The following SUZ12 variants were observed in gnomAD, a reference collection of about 807,000 sequenced individuals.
SUZ12 encodes the protein SUZ12 polycomb repressive complex 2 subunit.
SUZ12 carries 17 observed loss-of-function variants against 87.3 expected under a neutral mutation model. The ratio of observed to expected loss-of-function variants is 0.19; its 90% CI spans 0.13 to 0.29. The LOEUF (loss-of-function observed/expected upper bound fraction) is 0.29. Among genes scored for constraint, SUZ12 ranks in the 10% least tolerant of loss-of-function variants. The pLI, the probability that SUZ12 is intolerant of heterozygous loss-of-function variation, is 1.00. For synonymous variants in SUZ12, 253 were observed against 312.4 expected, an observed-to-expected ratio of 0.81 and a Z score of 2.01; for missense variants, 526 against 912.2, an observed-to-expected ratio of 0.58 and a Z score of 5.45.
At position 31,964,787 on chromosome 17, in the gene SUZ12, T is replaced by A. The variant is rs147724780; in HGVS notation, c.456-1360T>A. The stretch of plus-strand genomic sequence containing the variant: ...TATCCCCCCATCTTCCATGGAAATG[T>A]CTTTCTTACTTGCCTCTTATTTCTC... On this transcript the variant is annotated intron_variant, in intron 4 of 15. Transcript: ENST00000322652. 8.5e-4 allele frequency among the ~76,000 whole-genome samples: 128 copies of A among 149,806 alleles called. 1 individual carries two copies. Among genetic ancestry groups the A allele is most frequent in the African/African-American group, 3.1e-3 (122 of 39,386 alleles).
intron 4 of SUZ12, among the ~76,000 whole-genome samples, chr17:31,950,826 C>G (rs1339150322): frequency 1.3e-5 from 2 of 151,866 alleles, no homozygotes; most frequent in African/African-American, 2.4e-5. Flanking sequence ...GTCACCGAGG[C>G]TGGAGTGCAG....
chr17:31,952,508 C>G (rs538398907), intron 4 of SUZ12, among the ~76,000 whole-genome samples: 1 of 152,128 alleles, frequency 6.6e-6, no homozygotes, highest in Non-Finnish European at 1.5e-5. Flanking sequence ...GTGGTATATG[C>G]TAGCAGGATT....
At chr17:31,975,189 C>G (rs1475924569) in intron 6 of SUZ12, among the ~76,000 whole-genome samples, 1 of 152,000 alleles carries the variant, frequency 6.6e-6, no homozygotes, top group African/African-American at 2.4e-5. Context: ...GCTTTTAGTT[C>G]TAAATTTCTA....
chr17:31,944,702 C>G (rs1324727731), intron 3 of SUZ12, among the ~76,000 whole-genome samples: 2 of 151,992 alleles, frequency 1.3e-5, no homozygotes, highest in Non-Finnish European at 2.9e-5. Flanking sequence ...TGTTTCAGAC[C>G]TGTAATTTCA....
chr17:31,977,271 ATCTT>A (rs1908811966), intron 8 of SUZ12, among the ~76,000 whole-genome samples: 1 of 140,002 alleles, frequency 7.1e-6, no homozygotes, highest in African/African-American at 2.7e-5. Flanking sequence ...GTGAGATCCC[ATCTT>A]TTTTTTTTTT....
intron 4 of SUZ12, among the ~76,000 whole-genome samples, chr17:31,951,501 G>C (rs1408802016): frequency 1.6e-5 from 1 of 62,136 alleles, no homozygotes; most frequent in African/African-American, 6.5e-5. Flanking sequence ...TTTTTTTTTT[G>C]AGACGGAGTC....
At chr17:31,952,812 C>T (rs78486256) in intron 4 of SUZ12, among the ~76,000 whole-genome samples, 7,112 of 152,188 alleles carry the variant, frequency 0.047, 534 homozygotes, top group African/African-American at 0.16. Context: ...ATCCGCCTTC[C>T]GTGGCCTTCC....
At chr17:31,974,225 T>C (rs146307981) in intron 6 of SUZ12, among the ~76,000 whole-genome samples, 8,799 of 150,938 alleles carry the variant, frequency 0.058, 623 homozygotes, top group African/African-American at 0.15. Flanking sequence ...AAAAAAAATG[T>C]ATGTAAAGTT....
intron 3 of SUZ12, among the ~76,000 whole-genome samples, chr17:31,946,420 T>C (rs1476212825): frequency 1.3e-5 from 2 of 152,164 alleles, no homozygotes; most frequent in African/African-American, 4.8e-5. Context: ...TAGTCCCAGC[T>C]ACTCGGGAGG....
rs1909196921 is a variant in SUZ12, at chr17:31,982,883, A to T, written c.918-116A>T. 3 of 1,353,604 alleles carry T rather than the reference A, an allele frequency of 2.2e-6. No homozygotes were observed. In the East Asian group the frequency reaches 7.5e-5, roughly 34 times the overall value. 83.8% of individuals were successfully genotyped at this position (1,353,604 alleles called of 1,614,324 possible). On this transcript the variant is annotated intron_variant, in intron 8 of 15. Coordinates refer to ENST00000322652, the MANE Select transcript of SUZ12 (RefSeq NM_015355.4). ...CTGTATTTTTAAAATCTTGTTGGGT[A>T]TGTAAGCTAGTTTATAAATTTAATA...
chr17:31,983,401 A>T (rs1909226690), intron 9 of SUZ12, among the ~76,000 whole-genome samples: 1 of 149,348 alleles, frequency 6.7e-6, no homozygotes, highest in Non-Finnish European at 1.5e-5. Context: ...TCAGCCTCCC[A>T]AGTAGCTGTG....
At chr17:31,988,594 C>CTTT in intron 10 of SUZ12, 97 bp downstream of exon 10, 2 of 1,202,056 alleles carry the variant, frequency 1.7e-6, no homozygotes, top group South Asian at 3.6e-5. Flanking sequence ...TTATGTGATT[C>CTTT]TTCTTTTTTT....
At chr17:31,952,052 G>C (rs1196504388) in intron 4 of SUZ12, among the ~76,000 whole-genome samples, 1 of 152,034 alleles carries the variant, frequency 6.6e-6, no homozygotes, top group African/African-American at 2.4e-5. Flanking sequence ...TGCAATTACA[G>C]GCTGAGCCAC....
At chr17:31,979,711 T>C (rs571369382) in intron 8 of SUZ12, among the ~76,000 whole-genome samples, 2 of 152,362 alleles carry the variant, frequency 1.3e-5, no homozygotes, top group Admixed American at 6.5e-5. Flanking sequence ...GTTAAGATGC[T>C]GTTCACAATA....
intron 10 of SUZ12, among the ~76,000 whole-genome samples, chr17:31,991,889 C>T (rs545291144): frequency 2.0e-5 from 3 of 152,124 alleles, no homozygotes; most frequent in East Asian, 1.9e-4. Flanking sequence ...CATGAGCCAC[C>T]GTGCCCAGCC....
chr17:31,962,385 G>A (rs1429109716), intron 4 of SUZ12, among the ~76,000 whole-genome samples: 1 of 152,202 alleles, frequency 6.6e-6, no homozygotes, highest in African/African-American at 2.4e-5. Context: ...GATCTCAGGA[G>A]TTTGAGACCA....
At chr17:31,965,563 A>G (rs535863277) in intron 4 of SUZ12, 4 of 152,340 alleles carry the variant, frequency 2.6e-5, no homozygotes, top group African/African-American at 9.6e-5. Flanking sequence ...GATCTATACC[A>G]GATTTGTAAT....
rs757612357 is a variant in SUZ12, at chr17:31,966,191, A to G, written c.500A>G (p.Lys167Arg). Residue 167 changes from lysine (K) to arginine (R), a missense_variant, in exon 5 of 16, where the codon AAA becomes AGA. Coordinates refer to ENST00000322652, the MANE Select transcript of SUZ12 (RefSeq NM_015355.4). ...LQLTFTGFFHKNDKPSPNSEN... is the reference protein window; with the variant it reads ...LQLTFTGFFHRNDKPSPNSEN... ...CTTACGTTTACTGGTTTCTTCCACAAAAATGGTATGTATTTAAAAGTAAAT... is the reference window on the plus strand; with the variant it reads ...CTTACGTTTACTGGTTTCTTCCACAGAAATGGTATGTATTTAAAAGTAAAT... The G allele has an allele frequency of 6.2e-7, 1 of 1,604,016 alleles. No individual in the cohort carries two copies. Among genetic ancestry groups the G allele is most frequent in the Non-Finnish European group, 8.5e-7 (1 of 1,176,742 alleles).
chr17:31,952,883 T>G lies in SUZ12; in HGVS notation c.455+5198T>G, dbSNP rs1468892135. ...TGTCCCCAATGTTGGAATTCTCTGGTAACAACTCTTGAGTGCTGAGTGCAT... is the reference window on the plus strand; with the variant it reads ...TGTCCCCAATGTTGGAATTCTCTGGGAACAACTCTTGAGTGCTGAGTGCAT... On this transcript the variant is annotated intron_variant, in intron 4 of 15. Coordinates refer to ENST00000322652, the MANE Select transcript of SUZ12 (RefSeq NM_015355.4). Among the ~76,000 whole-genome samples, 4 of 152,236 alleles carry G rather than the reference T, an allele frequency of 2.6e-5. No homozygotes were observed. In the East Asian group the frequency reaches 7.8e-4, roughly 30 times the overall value.
Sources: allele counts gnomAD v4.1 joint callset (sites outside exome capture counted in the v4.1 genomes callset), GRCh38; gene constraint gnomAD v4.1.1; transcripts MANE v1.5; gene names NCBI Gene and HGNC (gene_info 2026-07-23, HGNC 2026-07-21).